The following MTREX variants were observed in gnomAD, a reference collection of about 807,000 sequenced individuals.
The protein encoded by MTREX is Mtr4 exosome RNA helicase, also known as exosome RNA helicase MTR4.
MTREX carries 76 observed loss-of-function variants against 135.4 expected under a neutral mutation model. The ratio of observed to expected loss-of-function variants is 0.56; its 90% CI spans 0.47 to 0.68. MTREX has a LOEUF of 0.68. Among genes scored for constraint, MTREX ranks in the 30% least tolerant of loss-of-function variants. MTREX has a pLI of 0.00. For synonymous variants in MTREX, 404 were observed against 401.6 expected, an observed-to-expected ratio of 1.01 and a Z score of -0.07; for missense variants, 920 against 1,262.1, an observed-to-expected ratio of 0.73 and a Z score of 4.11.
intron 1 of MTREX, among the ~76,000 whole-genome samples, chr5:55,313,758 A>G (rs1749153302): frequency 6.6e-6 from 1 of 152,186 alleles, no homozygotes; most frequent in African/African-American, 2.4e-5. Flanking sequence ...CAAAAGTTTA[A>G]AACAGTACAT....
intron 17 of MTREX, among the ~76,000 whole-genome samples, chr5:55,378,698 C>T (rs1450959947): frequency 6.6e-6 from 1 of 151,940 alleles, no homozygotes; most frequent in African/African-American, 2.4e-5. Context: ...GTTTTGGGGA[C>T]TATAAATTGA....
intron 19 of MTREX, among the ~76,000 whole-genome samples, chr5:55,394,664 T>G (rs1750620222): frequency 6.6e-6 from 1 of 152,212 alleles, no homozygotes; most frequent in Non-Finnish European, 1.5e-5. Flanking sequence ...GGCCTGGTTC[T>G]TAACAGGCCA....
rs374576952 is a variant in MTREX, at chr5:55,388,055, A to G, written c.2134A>G (p.Thr712Ala). ...CSKESLKNSA[T>A]EAAKPAKPDE... The stretch of plus-strand genomic sequence containing the variant: ...CAAAGAGAGCTTGAAAAATTCAGCT[A>G]CAGAAGCTGCAAAACCAGCTAAACC... Residue 712 changes from threonine (T) to alanine (A), a missense_variant, in exon 19 of 27, where the codon ACA (threonine) becomes GCA (alanine). Thr to Ala is a moderately conservative substitution (Grantham distance 58). This residue lies in a region of MTREX where 467 missense variants were observed against 589.7 expected (regional missense o/e 0.79). Coordinates refer to ENST00000230640, the MANE Select transcript of MTREX (RefSeq NM_015360.5). 69 of 1,609,460 alleles carry G rather than the reference A, an allele frequency of 4.3e-5. No individual in the cohort carries two copies. Among genetic ancestry groups the G allele is most frequent in the Non-Finnish European group, 5.6e-5 (66 of 1,176,818 alleles).
At chr5:55,415,550 G>A (rs539768052) in intron 24 of MTREX, among the ~76,000 whole-genome samples, 2 of 152,238 alleles carry the variant, frequency 1.3e-5, no homozygotes, top group South Asian at 4.1e-4. Flanking sequence ...CAACTTAGAG[G>A]AAAACAATAT....
intron 5 of MTREX, among the ~76,000 whole-genome samples, chr5:55,332,718 A>C (rs1314622820): frequency 6.6e-6 from 1 of 152,202 alleles, no homozygotes; most frequent in Non-Finnish European, 1.5e-5. Flanking sequence ...ATATTCATGA[A>C]GATGGAGCTT....
At chr5:55,336,750 C>T (rs1749559394) in intron 5 of MTREX, among the ~76,000 whole-genome samples, 1 of 152,190 alleles carries the variant, frequency 6.6e-6, no homozygotes, top group African/African-American at 2.4e-5. Context: ...GTTGTCTCTC[C>T]GTATCCATGG....
intron 18 of MTREX, 54 bp from the exon 19 acceptor site, chr5:55,387,920 A>G: frequency 6.6e-7 from 1 of 1,512,434 alleles, no homozygotes; most frequent in East Asian, 2.3e-5. Context: ...GGAACTTAAA[A>G]TTTATGGGCC....
Position 55,424,894 on chromosome 5 carries a change from T to C in MTREX, c.*122T>C. The C allele has an allele frequency of 1.4e-6, 1 of 695,610 alleles. No homozygotes were observed. The highest frequency in any genetic ancestry group is 2.4e-6 in the Non-Finnish European group (1 of 410,500). The allele number at this position is 695,610 out of a possible 1,614,324, so 43.1% of individuals were successfully genotyped here. A position where few individuals can be genotyped will look rare whatever the true frequency, so the allele number is the denominator to read the frequency against. On this transcript the variant is annotated 3_prime_UTR_variant, in exon 27 of 27. Transcript: ENST00000230640. The stretch of plus-strand genomic sequence containing the variant: ...CATTTTAATATGTATTATATTTAAA[T>C]CAAACATCATTCATAGAAAGCATAT...
chr5:55,330,465 G>A (rs796187745), intron 5 of MTREX, among the ~76,000 whole-genome samples: 6 of 150,916 alleles, frequency 4.0e-5, no homozygotes, highest in African/African-American at 1.5e-4. Context: ...CCTTTTTTTC[G>A]TAATGTTTTT....
chr5:55,369,436 T>C (rs778914682), intron 16 of MTREX, among the ~76,000 whole-genome samples: 1 of 152,252 alleles, frequency 6.6e-6, no homozygotes, highest in Admixed American at 6.5e-5. Context: ...TGTGTATTGG[T>C]GCACCTACCT....
rs1056680348 is a variant in MTREX at position 55,425,272 on chromosome 5, G to A, written c.*500G>A. ...GTGTTTCATGCAGAGTTGTATGAGAGTCCTCCTCTTTTCTTTCTTTAAAAG... is the reference window on the plus strand; with the variant it reads ...GTGTTTCATGCAGAGTTGTATGAGAATCCTCCTCTTTTCTTTCTTTAAAAG... On this transcript the variant is annotated 3_prime_UTR_variant, in exon 27 of 27. Coordinates refer to ENST00000230640, the MANE Select transcript of MTREX (RefSeq NM_015360.5). 5 of 1,611,736 alleles carry A rather than the reference G, an allele frequency of 3.1e-6. No individual in the cohort carries two copies. In the South Asian group the frequency reaches 4.4e-5, roughly 14 times the overall value.
chr5:55,347,999 G>T (rs1040811873), intron 11 of MTREX, among the ~76,000 whole-genome samples: 3 of 152,182 alleles, frequency 2.0e-5, no homozygotes, highest in African/African-American at 7.2e-5. Context: ...GCATGATTCA[G>T]TCATCTACTG....
At position 55,397,401 on chromosome 5, in the gene MTREX, A is replaced by G; in HGVS notation, c.2182-15A>G. 1 of 1,555,264 alleles carries G rather than the reference A, an allele frequency of 6.4e-7. No homozygotes were observed. The highest frequency in any genetic ancestry group is 8.8e-7 in the Non-Finnish European group (1 of 1,131,348). On this transcript the variant is annotated splice_polypyrimidine_tract_variant and intron_variant, in intron 19 of 26. Transcript: ENST00000230640. ...GCAAATTTAACTGTAATACTGTATAACTTTTTGGTCATAGGTTGTCCCAGT... is the reference window on the plus strand; with the variant it reads ...GCAAATTTAACTGTAATACTGTATAGCTTTTTGGTCATAGGTTGTCCCAGT...
At chr5:55,372,892 A>ATGTG (rs59026723) in intron 16 of MTREX, among the ~76,000 whole-genome samples, 5,366 of 120,910 alleles carry the variant, frequency 0.044, 71 homozygotes, top group Non-Finnish European at 0.052. Context: ...TAAAACTGTA[A>ATGTG]TGTGTGTGTG....
rs112740977 is a variant in MTREX at position 55,351,047 on chromosome 5, T to C, written c.1431+18T>C. 1,523 of 1,582,098 alleles carry C rather than the reference T, an allele frequency of 9.6e-4. 7 individuals are homozygous for C. The African/African-American group carries it at 0.019, about 20-fold the overall frequency. On this transcript the variant is annotated intron_variant, in intron 13 of 26. Transcript: ENST00000230640. ...TGATAAAGGTATGGTTTTATTTTTA[T>C]TTTTTATGCCCCCATATCATGTTGT...
intron 13 of MTREX, among the ~76,000 whole-genome samples, chr5:55,352,849 GT>G (rs1260252269): frequency 6.6e-6 from 1 of 152,170 alleles, no homozygotes; most frequent in Non-Finnish European, 1.5e-5. Context: ...CAGGAAATGT[GT>G]TCGTGTTTAG....
At chr5:55,380,625 C>A (rs191693101) in intron 18 of MTREX, among the ~76,000 whole-genome samples, 8 of 152,146 alleles carry the variant, frequency 5.3e-5, no homozygotes, top group Admixed American at 3.3e-4. Context: ...TGAGATAAAT[C>A]CCAGTTTGTC....
At chr5:55,405,251 G>T in intron 21 of MTREX, 174 bp from the exon 22 acceptor site, 1 of 507,324 alleles carries the variant, frequency 2.0e-6, no homozygotes. Flanking sequence ...TAATGTTCCG[G>T]GAATGTATCT....
Position 55,349,627 on chromosome 5 carries a change from C to A in MTREX, c.1295C>A (p.Ser432Tyr), listed in dbSNP as rs142958762. The change falls in exon 12 of 27, where the codon TCC (serine) becomes TAC (tyrosine). Residue 432 changes from serine to tyrosine, a missense_variant. Coordinates refer to ENST00000230640, the MANE Select transcript of MTREX (RefSeq NM_015360.5). ...EVFSNAIDCL[S>Y]DEDKKLPQVE... The stretch of plus-strand genomic sequence containing the variant: ...TTCAGTAATGCAATTGATTGCTTAT[C>A]CGATGAAGATAAAAAACTCCCTCAG... The A allele has an allele frequency of 6.2e-6, 10 of 1,601,440 alleles. No individual in the cohort carries two copies. In the African/African-American group the frequency reaches 1.2e-4, roughly 19 times the overall value.
Sources: gnomAD v4.1 joint callset for allele counts (sites outside exome capture counted in the v4.1 genomes callset) on GRCh38, gnomAD v4.1.1 for gene constraint, gnomAD v4.1.1 regional missense constraint, MANE v1.5 for transcripts, NCBI Gene and HGNC (gene_info 2026-07-23, HGNC 2026-07-21) for gene names.